The following PIP4K2C variants were observed in gnomAD, a reference collection of about 807,000 sequenced individuals.
PIP4K2C encodes the protein phosphatidylinositol-5-phosphate 4-kinase type 2 gamma.
PIP4K2C carries 21 observed loss-of-function variants against 45.0 expected under a neutral mutation model. The ratio of observed to expected loss-of-function variants is 0.47; its 90% CI spans 0.33 to 0.67. The LOEUF (loss-of-function observed/expected upper bound fraction) is 0.67. Among genes scored for constraint, PIP4K2C ranks in the 30% least tolerant of loss-of-function variants. The probability of loss-of-function intolerance (pLI) is 0.02; values close to 1 mark genes in which losing one functional copy is unlikely to be tolerated. For synonymous variants in PIP4K2C, 201 were observed against 204.8 expected, an observed-to-expected ratio of 0.98 and a Z score of 0.16; for missense variants, 456 against 542.8, an observed-to-expected ratio of 0.84 and a Z score of 1.59.
intron 1 of PIP4K2C, among the ~76,000 whole-genome samples, chr12:57,591,986 T>C (rs529678997): frequency 2.0e-5 from 3 of 152,242 alleles, no homozygotes; most frequent in Non-Finnish European, 4.4e-5. Flanking sequence ...CTAATCCTGC[T>C]TGTCCCTTCC....
At chr12:57,601,122 C>T (rs1883417978) in intron 8 of PIP4K2C, 44 bp downstream of exon 8, 1 of 1,606,250 alleles carries the variant, frequency 6.2e-7, no homozygotes, top group Non-Finnish European at 8.5e-7. Flanking sequence ...GGGATTTTTC[C>T]TGGAGGACAG....
Position 57,599,211 on chromosome 12 carries a change from G to C in PIP4K2C, c.660G>C (p.Lys220Asn). 6.2e-7 allele frequency: 1 copy of C among 1,614,088 alleles called. No homozygotes were observed. Among genetic ancestry groups the C allele is most frequent in the Non-Finnish European group, 8.5e-7 (1 of 1,179,972 alleles). ...RLPVHRKYDL[K>N]GSLVSREASD... ...CTGTGCACAGGAAGTATGACCTCAA[G>C]GTAAGAAGAGGGTAGCTCGGACTTA... Residue 220 changes from lysine to asparagine, a missense_variant and splice_region_variant, in exon 5 of 10, where the codon AAG (lysine) becomes AAC (asparagine). Lys to Asn is a moderately conservative substitution (Grantham distance 94, BLOSUM62 0). Coordinates refer to ENST00000354947, the MANE Select transcript of PIP4K2C (RefSeq NM_024779.5).
Position 57,600,967 on chromosome 12 carries a change from T to C in PIP4K2C, c.970T>C (p.Ser324Pro), listed in dbSNP as rs1222109008. The C allele has an allele frequency of 1.2e-6, 2 of 1,614,092 alleles. No individual in the cohort carries two copies. Among genetic ancestry groups the C allele is most frequent in the Non-Finnish European group, 1.7e-6 (2 of 1,180,048 alleles). ...GACTGGACCTCCTGCTCTGGTGGGC[T>C]CCTATGGCACCTCCCCAGAGGGTAT... is the stretch of plus-strand genomic sequence containing the variant. ...SLTGPPALVGSYGTSPEGIGG... is the reference protein window; with the variant it reads ...SLTGPPALVGPYGTSPEGIGG... Residue 324 changes from serine to proline, a missense_variant, in exon 8 of 10, where the codon TCC becomes CCC. By Grantham distance (74) the Ser-to-Pro change is moderately conservative (BLOSUM62 -1). Coordinates refer to ENST00000354947, the MANE Select transcript of PIP4K2C (RefSeq NM_024779.5).
In PIP4K2C at chr12:57,599,178, C is replaced by T. The variant is rs149165782; in HGVS notation, c.627C>T (p.His209=). The T allele has an allele frequency of 1.1e-3, 1,834 of 1,614,174 alleles. 1 individual carries two copies. Among genetic ancestry groups the T allele is most frequent in the Non-Finnish European group, 1.4e-3 (1,697 of 1,180,034 alleles). The change falls in exon 5 of 10, where the codon CAC becomes CAT. Residue 209 remains histidine, a synonymous_variant. Coordinates refer to ENST00000354947, the MANE Select transcript of PIP4K2C (RefSeq NM_024779.5). ...TTGTGATGCGCAATATGTTTAGCCA[C>T]CGTCTTCCTGTGCACAGGAAGTATG... The part of the protein sequence containing the change: ...YMLVMRNMFS[H]RLPVHRKYDL...
At chr12:57,593,675 G>GTTTTTTTTT (rs56900742) in intron 1 of PIP4K2C, among the ~76,000 whole-genome samples, 4 of 64,048 alleles carry the variant, frequency 6.2e-5, no homozygotes, top group African/African-American at 2.2e-4. Context: ...AGCTTGCAGA[G>GTTTTTTTTT]TTTTTTTTTT....
intron 4 of PIP4K2C, 61 bp from the exon 5 acceptor site, chr12:57,599,004 T>C: frequency 1.3e-6 from 2 of 1,562,908 alleles, no homozygotes; most frequent in Non-Finnish European, 1.8e-6. Context: ...TGAACTTCCC[T>C]GGGCTGTTTG....
chr12:57,595,702 CAAAAA>C (rs67101543), intron 3 of PIP4K2C, among the ~76,000 whole-genome samples, 181 bp from the exon 4 acceptor site: 18 of 101,544 alleles, frequency 1.8e-4, no homozygotes, highest in African/African-American at 2.2e-4. Flanking sequence ...GACTCCTTGT[CAAAAA>C]AAAAAAAAAA....
rs1454814261 is a variant in PIP4K2C at position 57,595,183 on chromosome 12, C to A, written c.330C>A (p.Asn110Lys). 2 of 1,612,264 alleles carry A rather than the reference C, an allele frequency of 1.2e-6. No individual in the cohort carries two copies. The highest frequency in any genetic ancestry group is 3.3e-5 in the Admixed American group (2 of 59,988). ...FKEYCPQVFRNLRDRFGIDDQ... is the reference protein window; with the variant it reads ...FKEYCPQVFRKLRDRFGIDDQ... ...AGTATTGTCCCCAGGTCTTCAGGAA[C>A]CTCCGTGATCGATTTGGCATTGATG... is the stretch of plus-strand genomic sequence containing the variant. Residue 110 changes from asparagine (N) to lysine (K), a missense_variant, in exon 3 of 10, where the codon AAC (asparagine) becomes AAA (lysine). Asn to Lys is a moderately conservative substitution (Grantham distance 94, BLOSUM62 0). Around this residue, in one of 2 missense-constraint regions of PIP4K2C, gnomAD observed 421 missense variants for 473.1 expected, o/e 0.89. Coordinates refer to ENST00000354947, the MANE Select transcript of PIP4K2C (RefSeq NM_024779.5).
chr12:57,601,780 A>G lies in PIP4K2C; in HGVS notation c.*174A>G. 1 of 620,582 alleles carries G rather than the reference A, an allele frequency of 1.6e-6. No individual in the cohort carries two copies. The highest frequency in any genetic ancestry group is 2.9e-6 in the Non-Finnish European group (1 of 348,602). 38.4% of individuals were successfully genotyped at this position (620,582 alleles called of 1,614,324 possible). A position where few individuals can be genotyped will look rare whatever the true frequency, so the allele number is the denominator to read the frequency against. On this transcript the variant is annotated 3_prime_UTR_variant, in exon 10 of 10. Coordinates refer to ENST00000354947, the MANE Select transcript of PIP4K2C (RefSeq NM_024779.5). Reference sequence around the variant, plus strand: ...AGTAGGCTCTTTCTGACCCTCAGAAATACATTGTCCTTTTTCCTCTTTGCC... The same window carrying G: ...AGTAGGCTCTTTCTGACCCTCAGAAGTACATTGTCCTTTTTCCTCTTTGCC...
Position 57,601,558 on chromosome 12 carries a change from G to A in PIP4K2C, c.1218G>A (p.Glu406=), listed in dbSNP as rs1883441340. Residue 406 remains glutamate, a synonymous_variant, in exon 10 of 10, where the codon GAG becomes GAA. Coordinates refer to ENST00000354947, the MANE Select transcript of PIP4K2C (RefSeq NM_024779.5). ...AGAEISTVHP[E]QYAKRFLDFI... The stretch of plus-strand genomic sequence containing the variant: ...CAGAGATCTCTACTGTCCATCCGGA[G>A]CAGTATGCTAAGCGATTCCTGGATT... 2 of 1,613,384 alleles carry A rather than the reference G, an allele frequency of 1.2e-6. No homozygotes were observed. Among genetic ancestry groups the A allele is most frequent in the Non-Finnish European group, 1.7e-6 (2 of 1,179,464 alleles).
rs1883493157 is a variant in PIP4K2C at position 57,602,706 on chromosome 12, T to C, written c.*1100T>C. The C allele has an allele frequency of 6.5e-6, 1 of 152,720 alleles. No homozygotes were observed. Among genetic ancestry groups the C allele is most frequent in the African/African-American group, 2.4e-5 (1 of 41,436 alleles). The allele number at this position is 152,720 out of a possible 1,614,324, so 9.5% of individuals were successfully genotyped here. On this transcript the variant is annotated 3_prime_UTR_variant, in exon 10 of 10. Transcript: ENST00000354947. ...TTGGATTTGTTTTTCTGTTCTCTTC[T>C]GTCCTGTCTTATACTGCAACTGTGT...
chr12:57,601,381 CTTGA>C, intron 9 of PIP4K2C, 33 bp downstream of exon 9: 1 of 1,575,488 alleles, frequency 6.3e-7, no homozygotes, highest in South Asian at 1.1e-5. Context: ...CCTTTCCTGT[CTTGA>C]CTATTCTTTG....
chr12:57,600,215 G>C (rs1883369047), intron 6 of PIP4K2C, 109 bp from the exon 7 acceptor site: 1 of 623,690 alleles, frequency 1.6e-6, no homozygotes, highest in African/African-American at 1.9e-5. Flanking sequence ...TCACAGTGTG[G>C]AGTTAGATGA....
chr12:57,591,797 G>T (rs1882973760), intron 1 of PIP4K2C, among the ~76,000 whole-genome samples: 1 of 152,202 alleles, frequency 6.6e-6, no homozygotes, highest in African/African-American at 2.4e-5. Flanking sequence ...AGGACATTAG[G>T]GGGAGTGGCT....
At chr12:57,600,260 AGGTG>A (rs1309537330) in intron 6 of PIP4K2C, 60 bp from the exon 7 acceptor site, 3 of 964,970 alleles carry the variant, frequency 3.1e-6, no homozygotes, top group Non-Finnish European at 4.9e-6. Flanking sequence ...CCTAGACAGA[AGGTG>A]GGGTTCTGAG....
intron 4 of PIP4K2C, 33 bp from the exon 5 acceptor site, chr12:57,599,032 C>G: frequency 6.2e-7 from 1 of 1,607,848 alleles, no homozygotes; most frequent in Admixed American, 1.7e-5. Flanking sequence ...GCTACTCAGC[C>G]TCTCCCCATT....
chr12:57,600,448 G>A lies in PIP4K2C; in HGVS notation c.813+11G>A, dbSNP rs1409627089. On this transcript the variant is annotated intron_variant, in intron 7 of 9. Transcript: ENST00000354947. ...AAGAGAGATGTGGAGGTGATGATTG[G>A]GTGCTCTGGGAAATGGCTTTCCTTT... is the stretch of plus-strand genomic sequence containing the variant. The A allele has an allele frequency of 5.1e-6, 8 of 1,557,538 alleles. No individual in the cohort carries two copies. The South Asian group carries it at 6.7e-5, about 13-fold the overall frequency.
chr12:57,599,069 T>C lies in PIP4K2C; in HGVS notation c.518T>C (p.Ile173Thr), dbSNP rs1247118977. 6.2e-7 allele frequency: 1 copy of C among 1,614,004 alleles called. No individual in the cohort carries two copies. The highest frequency in any genetic ancestry group is 1.1e-5 in the South Asian group (1 of 91,062). ...CTTCCCCCTCTTTCACTGTAGTACA[T>C]TGTGAAGTGCCATGGCAACACGCTT... ...HSNLSNYHQY[I>T]VKCHGNTLLP... Residue 173 changes from isoleucine (I) to threonine (T), a missense_variant, in exon 5 of 10, where the codon ATT (isoleucine) becomes ACT (threonine). Around this residue, in one of 2 missense-constraint regions of PIP4K2C, gnomAD observed 421 missense variants for 473.1 expected, o/e 0.89. Coordinates refer to ENST00000354947, the MANE Select transcript of PIP4K2C (RefSeq NM_024779.5).
chr12:57,596,944 T>C (rs1301229270), intron 4 of PIP4K2C, among the ~76,000 whole-genome samples: 2 of 152,144 alleles, frequency 1.3e-5, no homozygotes, highest in East Asian at 1.9e-4. Context: ...AGGTTAACCA[T>C]TGGACAGGGT....
Sources: gnomAD v4.1 joint callset for allele counts (sites outside exome capture counted in the v4.1 genomes callset) on GRCh38, gnomAD v4.1.1 for gene constraint, gnomAD v4.1.1 regional missense constraint, MANE v1.5 for transcripts, NCBI Gene and HGNC (gene_info 2026-07-23, HGNC 2026-07-21) for gene names.